DCDC2C: variants seen among roughly 807,000 people sequenced by gnomAD.
The protein encoded by DCDC2C is doublecortin domain containing 2C.
Under a neutral mutation model 45.0 loss-of-function variants are expected in DCDC2C, and 44 were observed. That is an observed-to-expected ratio of 0.98 (90% CI 0.77 to 1.26). The LOEUF (loss-of-function observed/expected upper bound fraction) is 1.26, where lower values mean the gene tolerates loss of function less well. Among genes scored for constraint, DCDC2C ranks in the 50% most tolerant of loss-of-function variants. DCDC2C has a pLI of 0.00. For missense variants in DCDC2C, 447 were observed against 468.9 expected, an observed-to-expected ratio of 0.95 and a Z score of 0.43; for synonymous variants, 187 against 178.8, an observed-to-expected ratio of 1.05 and a Z score of -0.37.
chr2:3,770,190 A>ATATTCTC (rs1318466191), intron 8 of DCDC2C, among the ~76,000 whole-genome samples: 1 of 152,238 alleles, frequency 6.6e-6, no homozygotes, highest in African/African-American at 2.4e-5. Context: ...CAAAGAATGT[A>ATATTCTC]TATTCTCTAA....
intron 10 of DCDC2C, among the ~76,000 whole-genome samples, chr2:3,829,844 A>C (rs1671910786): frequency 6.6e-6 from 1 of 152,168 alleles, no homozygotes; most frequent in Non-Finnish European, 1.5e-5. Flanking sequence ...TCTTCCTATT[A>C]GGTGGCTGGT....
At chr2:3,704,157 C>G (rs1311498769) in intron 1 of DCDC2C, 119 bp downstream of exon 1, 1 of 991,416 alleles carries the variant, frequency 1.0e-6, no homozygotes, top group African/African-American at 1.7e-5. Flanking sequence ...GCTCGGGCGC[C>G]CATCTTTCGG....
At chr2:3,772,436 C>T (rs1455465078) in intron 8 of DCDC2C, among the ~76,000 whole-genome samples, 1 of 152,230 alleles carries the variant, frequency 6.6e-6, no homozygotes, top group Non-Finnish European at 1.5e-5. Flanking sequence ...AGCCCCCTTT[C>T]CTGTCACCTT....
intron 10 of DCDC2C, among the ~76,000 whole-genome samples, chr2:3,838,471 A>G (rs1672136280): frequency 6.6e-6 from 1 of 151,390 alleles, no homozygotes; most frequent in Non-Finnish European, 1.5e-5. Context: ...AGAGAGAGAG[A>G]GAGAGAGAGA....
intron 10 of DCDC2C, among the ~76,000 whole-genome samples, chr2:3,825,283 T>C (rs938334694): frequency 6.6e-5 from 10 of 152,226 alleles, no homozygotes; most frequent in African/African-American, 2.2e-4. Context: ...GCAGAAATCT[T>C]CTTAGGCCTT....
intron 6 of DCDC2C, among the ~76,000 whole-genome samples, chr2:3,759,368 T>C (rs968253526): frequency 1.3e-5 from 2 of 152,236 alleles, no homozygotes; most frequent in African/African-American, 4.8e-5. Context: ...ATAGAACTTC[T>C]AGGAAATTAA....
chr2:3,842,353 T>A (rs1672233759), intron 10 of DCDC2C, among the ~76,000 whole-genome samples: 1 of 151,654 alleles, frequency 6.6e-6, no homozygotes, highest in Non-Finnish European at 1.5e-5. Flanking sequence ...CTGCAGCAAT[T>A]TATAGAACGT....
At chr2:3,768,195 A>G (rs538998838) in intron 7 of DCDC2C, among the ~76,000 whole-genome samples, 1 of 152,146 alleles carries the variant, frequency 6.6e-6, no homozygotes, top group East Asian at 1.9e-4. Context: ...CAACAAATAA[A>G]TCTATCTTTT....
chr2:3,759,674 G>A (rs1302591983), intron 6 of DCDC2C, among the ~76,000 whole-genome samples: 1 of 152,154 alleles, frequency 6.6e-6, no homozygotes, highest in Non-Finnish European at 1.5e-5. Flanking sequence ...TGCTCTAGAC[G>A]AGCACATTTA....
intron 2 of DCDC2C, among the ~76,000 whole-genome samples, chr2:3,721,810 G>T (rs1027460692): frequency 1.3e-5 from 2 of 152,168 alleles, no homozygotes; most frequent in African/African-American, 4.8e-5. Context: ...TAAAAAAATG[G>T]GAGTTGCCCT....
chr2:3,805,917 C>G (rs1671224127), intron 10 of DCDC2C, among the ~76,000 whole-genome samples: 1 of 152,204 alleles, frequency 6.6e-6, no homozygotes, highest in Non-Finnish European at 1.5e-5. Context: ...CTCTGTCAAC[C>G]AGGCTAGAGT....
chr2:3,767,713 A>G (rs757140760), intron 6 of DCDC2C, 41 bp from the exon 7 acceptor site: 11 of 1,547,674 alleles, frequency 7.1e-6, no homozygotes, highest in South Asian at 2.4e-5. Flanking sequence ...CTTGTATCCC[A>G]CTGTTCTTAA....
rs139534741 is a variant in DCDC2C, at chr2:3,819,957, G to A, written c.1066-27197G>A. Among the ~76,000 whole-genome samples the A allele has an allele frequency of 7.0e-3, 1,073 of 152,286 alleles. 11 individuals are homozygous for A. The highest frequency in any genetic ancestry group is 0.024 in the African/African-American group (1,014 of 41,568). ...GAATTGCAACCTGGCTAGGCCTGGC[G>A]AGGAGCAGCCTGGGGAGGAGGCAAG... On this transcript the variant is annotated intron_variant, in intron 10 of 10. Transcript: ENST00000399143.
intron 2 of DCDC2C, among the ~76,000 whole-genome samples, chr2:3,719,186 T>A (rs763630932): frequency 1.3e-5 from 2 of 152,060 alleles, no homozygotes; most frequent in African/African-American, 4.8e-5. Context: ...CCCGGGTTCA[T>A]GCTGTTCTCC....
chr2:3,713,100 A>G (rs1313243974), intron 2 of DCDC2C, among the ~76,000 whole-genome samples: 1 of 152,220 alleles, frequency 6.6e-6, no homozygotes, highest in Non-Finnish European at 1.5e-5. Flanking sequence ...CAAGCATTCT[A>G]GGAATGACTC....
At chr2:3,788,899 G>C (rs1670731220) in intron 10 of DCDC2C, among the ~76,000 whole-genome samples, 1 of 133,480 alleles carries the variant, frequency 7.5e-6, no homozygotes, top group African/African-American at 2.7e-5. Flanking sequence ...TTCTGAGACA[G>C]GGTCTCCCTC....
At chr2:3,706,135 A>G (rs1380122981) in intron 1 of DCDC2C, among the ~76,000 whole-genome samples, 1 of 152,236 alleles carries the variant, frequency 6.6e-6, no homozygotes, top group Non-Finnish European at 1.5e-5. Context: ...TTGGAAATTT[A>G]TATTCTGTAA....
intron 2 of DCDC2C, among the ~76,000 whole-genome samples, chr2:3,723,786 A>C (rs951852789): frequency 1.3e-5 from 2 of 151,804 alleles, no homozygotes; most frequent in Non-Finnish European, 2.9e-5. Context: ...GGATGAGAAG[A>C]CTCAAGAACG....
intron 8 of DCDC2C, among the ~76,000 whole-genome samples, chr2:3,774,672 G>C (rs1359328152): frequency 6.6e-6 from 1 of 152,232 alleles, no homozygotes; most frequent in Non-Finnish European, 1.5e-5. Flanking sequence ...TTGACCTCAG[G>C]TGGTTTAGCG....
Sources: allele counts gnomAD v4.1 joint callset (sites outside exome capture counted in the v4.1 genomes callset), GRCh38; gene constraint gnomAD v4.1.1; transcripts MANE v1.5; gene names NCBI Gene and HGNC (gene_info 2026-07-23, HGNC 2026-07-21).